RALGAPB: variants seen among roughly 807,000 people sequenced by gnomAD.
RALGAPB encodes the protein ral GTPase-activating protein subunit beta.
Under a neutral mutation model 161.1 loss-of-function variants are expected in RALGAPB, and 25 were observed. The ratio of observed to expected loss-of-function variants is 0.16; its 90% CI spans 0.11 to 0.22. The LOEUF is 0.22. Ranked by LOEUF, RALGAPB falls within the 10% of genes least tolerant of loss-of-function variation. The pLI, the probability that RALGAPB is intolerant of heterozygous loss-of-function variation, is 1.00. For missense variants in RALGAPB, 1,391 were observed against 1,815.2 expected (o/e 0.77, Z 4.25); for synonymous variants, 629 against 626.1 (o/e 1.00, Z -0.07).
At chr20:38,532,920 T>G in intron 15 of RALGAPB, 61 bp downstream of exon 15, 2 of 1,512,872 alleles carry the variant, frequency 1.3e-6, no homozygotes, top group Non-Finnish European at 1.8e-6. Flanking sequence ...CTTACATTTA[T>G]AAAACAAAAA....
chr20:38,506,214 C>T (rs1032305547), intron 5 of RALGAPB, among the ~76,000 whole-genome samples: 3 of 152,026 alleles, frequency 2.0e-5, no homozygotes, highest in Admixed American at 1.3e-4. Flanking sequence ...CTTGAGCATC[C>T]GTGGATTTTG....
intron 22 of RALGAPB, among the ~76,000 whole-genome samples, chr20:38,555,017 G>A (rs967934858): frequency 2.6e-5 from 4 of 152,294 alleles, no homozygotes; most frequent in East Asian, 3.9e-4. Context: ...CTGAGAGTTC[G>A]AGGTTACAGT....
At chr20:38,564,447 T>C (rs182880999) in intron 24 of RALGAPB, among the ~76,000 whole-genome samples, 122 of 152,350 alleles carry the variant, frequency 8.0e-4, no homozygotes, top group South Asian at 2.7e-3. Flanking sequence ...ATTAGGTATC[T>C]TCCAATTTTT....
At chr20:38,505,071 T>TTGC (rs2085719381) in intron 5 of RALGAPB, among the ~76,000 whole-genome samples, 1 of 152,218 alleles carries the variant, frequency 6.6e-6, no homozygotes, top group Non-Finnish European at 1.5e-5. Context: ...AGCTATCCCA[T>TTGC]TGCTGGGTAT....
chr20:38,568,836 G>A (rs566848190), intron 26 of RALGAPB: 2 of 152,258 alleles, frequency 1.3e-5, no homozygotes, highest in South Asian at 2.1e-4. Flanking sequence ...TTGGCAAAGG[G>A]ATCCTGTGGG....
Position 38,509,059 on chromosome 20 carries a change from T to C in RALGAPB, c.741-18T>C. On this transcript the variant is annotated intron_variant, in intron 5 of 29. Coordinates refer to ENST00000262879, the MANE Select transcript of RALGAPB (RefSeq NM_020336.4). ...ATCTGTTAAGAAATGGACTCAGTGG[T>C]GTGCATTTATTTTCTAGATTGCTAC... 8 of 1,611,092 alleles carry C rather than the reference T, an allele frequency of 5.0e-6. No individual in the cohort carries two copies. Among genetic ancestry groups the C allele is most frequent in the Non-Finnish European group, 6.8e-6 (8 of 1,177,468 alleles).
At chr20:38,508,696 A>G (rs1049441907) in intron 5 of RALGAPB, among the ~76,000 whole-genome samples, 1 of 152,220 alleles carries the variant, frequency 6.6e-6, no homozygotes, top group African/African-American at 2.4e-5. Flanking sequence ...TAAAATATAT[A>G]CAACAGCATA....
chr20:38,499,638 G>A lies in RALGAPB; in HGVS notation c.740+5G>A. The A allele has an allele frequency of 6.2e-7, 1 of 1,606,148 alleles. No individual in the cohort carries two copies. The highest frequency in any genetic ancestry group is 8.5e-7 in the Non-Finnish European group (1 of 1,176,432). On this transcript the variant is annotated splice_donor_5th_base_variant and intron_variant, in intron 5 of 29. Coordinates refer to ENST00000262879, the MANE Select transcript of RALGAPB (RefSeq NM_020336.4). ...CATTTGTGCACTCACTTCCAGGTAG[G>A]TTATTGTCATTGCCCTGCCTTCCTT...
intron 22 of RALGAPB, among the ~76,000 whole-genome samples, chr20:38,554,700 G>A (rs1025548453): frequency 2.0e-5 from 3 of 152,178 alleles, no homozygotes; most frequent in Non-Finnish European, 4.4e-5. Flanking sequence ...TTAACTCATA[G>A]AAGATACTTG....
intron 19 of RALGAPB, chr20:38,547,341 T>C (rs2087202718): frequency 6.6e-6 from 1 of 152,176 alleles, no homozygotes; most frequent in Admixed American, 6.5e-5. Context: ...ACAGAATCTG[T>C]GGGTATAAAG....
intron 28 of RALGAPB, 63 bp from the exon 29 acceptor site, chr20:38,574,086 AC>A: frequency 6.7e-7 from 1 of 1,492,860 alleles, no homozygotes; most frequent in Non-Finnish European, 9.0e-7. Context: ...GGGGACTTCA[AC>A]TCTTGGGTGT....
chr20:38,491,369 G>C (rs1354377796), intron 2 of RALGAPB, among the ~76,000 whole-genome samples: 1 of 151,774 alleles, frequency 6.6e-6, no homozygotes, highest in Non-Finnish European at 1.5e-5. Context: ...TCTTGGCAGA[G>C]CCTTTGGCAT....
chr20:38,490,632 G>A (rs1232860651), intron 2 of RALGAPB, among the ~76,000 whole-genome samples: 1 of 151,842 alleles, frequency 6.6e-6, no homozygotes, highest in Non-Finnish European at 1.5e-5. Context: ...TCAGCCACCC[G>A]AGTAGCTGGG....
At position 38,521,695 on chromosome 20, in the gene RALGAPB, C is replaced by A; in HGVS notation, c.1616C>A (p.Ser539Tyr). ...TGEEILPAYL[S>Y]RFYMLLIQGL... ...GAAGAGATTCTGCCAGCTTATTTAT[C>A]CAGGTCTTGGAATTTTTGTTTGTTT... The change falls in exon 10 of 30, where the codon TCC (serine) becomes TAC (tyrosine). Residue 539 changes from serine to tyrosine, a missense_variant. Ser to Tyr is a moderately radical substitution (Grantham distance 144). Coordinates refer to ENST00000262879, the MANE Select transcript of RALGAPB (RefSeq NM_020336.4). 1 of 1,613,138 alleles carries A rather than the reference C, an allele frequency of 6.2e-7. No homozygotes were observed. Among genetic ancestry groups the A allele is most frequent in the Non-Finnish European group, 8.5e-7 (1 of 1,179,686 alleles).
At chr20:38,536,435 G>C (rs1305529639) in intron 16 of RALGAPB, among the ~76,000 whole-genome samples, 1 of 152,168 alleles carries the variant, frequency 6.6e-6, no homozygotes, top group Non-Finnish European at 1.5e-5. Context: ...CTGTGAACAT[G>C]TATGTACATG....
intron 25 of RALGAPB, among the ~76,000 whole-genome samples, chr20:38,565,807 A>C (rs1376294331): frequency 1.3e-5 from 2 of 152,152 alleles, no homozygotes; most frequent in Non-Finnish European, 2.9e-5. Context: ...TCCCTCACCT[A>C]CTTTTCTATT....
At chr20:38,555,694 C>G (rs1352907081) in intron 22 of RALGAPB, among the ~76,000 whole-genome samples, 1 of 152,138 alleles carries the variant, frequency 6.6e-6, no homozygotes, top group Non-Finnish European at 1.5e-5. Context: ...GTTATCTGTT[C>G]TAGTTGAAAC....
chr20:38,555,648 A>G (rs1230583988), intron 22 of RALGAPB, among the ~76,000 whole-genome samples: 1 of 152,202 alleles, frequency 6.6e-6, no homozygotes, highest in African/African-American at 2.4e-5. Flanking sequence ...AAAGGCCCTA[A>G]TAGCCTTGTT....
At chr20:38,551,350 C>T in intron 21 of RALGAPB, 127 bp downstream of exon 21, 1 of 1,069,694 alleles carries the variant, frequency 9.3e-7, no homozygotes, top group East Asian at 2.4e-5. Flanking sequence ...CTCCATCATC[C>T]AGGAGGTTGC....
Sources: allele counts gnomAD v4.1 joint callset (sites outside exome capture counted in the v4.1 genomes callset), GRCh38; gene constraint gnomAD v4.1.1; transcripts MANE v1.5; gene names NCBI Gene and HGNC (gene_info 2026-07-23, HGNC 2026-07-21).